Variants in VIRMA observed in about 807,000 individuals in gnomAD.
VIRMA encodes the protein vir like m6A methyltransferase associated, also known as protein virilizer homolog.
A neutral mutation model predicts 182.4 loss-of-function variants in VIRMA; 65 were observed. The ratio of observed to expected loss-of-function variants is 0.36; its 90% confidence interval spans 0.29 to 0.44. The LOEUF is 0.44. VIRMA is among the 20% of genes least tolerant of loss of function. VIRMA has a pLI of 1.00. For synonymous variants in VIRMA, 709 were observed against 743.1 expected (o/e 0.95, Z 0.75); for missense variants, 1,752 against 2,158.1 (o/e 0.81, Z 3.73).
chr8:94,491,200 A>G (rs1464577364), intron 22 of VIRMA, among the ~76,000 whole-genome samples: 1 of 151,242 alleles, frequency 6.6e-6, no homozygotes, highest in African/African-American at 2.4e-5. Flanking sequence ...TGTAGTCCCA[A>G]ATACTTGGGA....
chr8:94,531,001 G>A lies in VIRMA; in HGVS notation c.569C>T (p.Pro190Leu). ...RGPRTPPGPP[P>L]PDDDEDDPVP... ...AGGATCATCTTCATCATCATCAGGTGGAGGGGGTCCTGGAGGAGTTCTTGG... is the reference window on the plus strand; with the variant it reads ...AGGATCATCTTCATCATCATCAGGTAGAGGGGGTCCTGGAGGAGTTCTTGG... Residue 190 changes from proline (P) to leucine (L), a missense_variant, in exon 6 of 24, where the codon CCA (proline) becomes CTA (leucine). Pro to Leu is a moderately conservative substitution (Grantham distance 98, BLOSUM62 -3). This residue lies in a region of VIRMA where 114 missense variants were observed against 106.9 expected (regional missense o/e 1.07). Coordinates refer to ENST00000297591, the MANE Select transcript of VIRMA (RefSeq NM_015496.5). 1 of 1,604,056 alleles carries A rather than the reference G, an allele frequency of 6.2e-7. No homozygotes were observed. The highest frequency in any genetic ancestry group is 8.5e-7 in the Non-Finnish European group (1 of 1,175,442).
intron 20 of VIRMA, among the ~76,000 whole-genome samples, chr8:94,493,845 A>G (rs1813684347): frequency 6.6e-6 from 1 of 152,240 alleles, no homozygotes; most frequent in Admixed American, 6.5e-5. Context: ...TGTGGCTAAA[A>G]TAATTCGCCT....
intron 10 of VIRMA, among the ~76,000 whole-genome samples, chr8:94,517,014 T>C (rs1814582919): frequency 6.6e-6 from 1 of 152,160 alleles, no homozygotes; most frequent in South Asian, 2.1e-4. Flanking sequence ...CCACATAAGG[T>C]TTCCCATAAA....
Position 94,526,533 on chromosome 8 carries a change from C to G in VIRMA, c.1711G>C (p.Asp571His), listed in dbSNP as rs754699850. The change falls in exon 8 of 24, where the codon GAC (aspartate) becomes CAC (histidine). Residue 571 changes from aspartate to histidine, a missense_variant. This residue lies in a region of VIRMA where 401 missense variants were observed against 455.1 expected (regional missense o/e 0.88). Transcript: ENST00000297591. ...EVLSEIKRLG[D>H]HLAEKTSSLP... is the part of the protein sequence containing the mutation. ...GATGAAGTCTTCTCTGCTAAATGGTCACCAAGTCTTTTAATCTCTGACAAG... is the reference window on the plus strand; with the variant it reads ...GATGAAGTCTTCTCTGCTAAATGGTGACCAAGTCTTTTAATCTCTGACAAG... 1.9e-6 allele frequency: 3 copies of G among 1,612,690 alleles called. No individual in the cohort carries two copies. Among genetic ancestry groups the G allele is most frequent in the Non-Finnish European group, 2.5e-6 (3 of 1,179,678 alleles).
At chr8:94,517,360 G>A (rs898015478) in intron 10 of VIRMA, among the ~76,000 whole-genome samples, 2 of 152,142 alleles carry the variant, frequency 1.3e-5, no homozygotes, top group Non-Finnish European at 2.9e-5. Context: ...GTGCCAGCAC[G>A]CCCAGCTAAT....
At chr8:94,553,359 G>C (rs367577929) in intron 1 of VIRMA, 26 bp downstream of exon 1, 1 of 1,609,814 alleles carries the variant, frequency 6.2e-7, no homozygotes, top group Non-Finnish European at 8.5e-7. Context: ...AAGAAGCAGC[G>C]TCAGAATCAA....
intron 1 of VIRMA, among the ~76,000 whole-genome samples, chr8:94,547,901 G>A (rs1815830088): frequency 6.7e-6 from 1 of 148,776 alleles, no homozygotes; most frequent in Admixed American, 6.6e-5. Flanking sequence ...AAAACTAGAC[G>A]GGCATGGTGG....
At position 94,491,650 on chromosome 8, in the gene VIRMA, A is replaced by G; in HGVS notation, c.5068T>C (p.Phe1690Leu). 2 of 1,613,982 alleles carry G rather than the reference A, an allele frequency of 1.2e-6. No homozygotes were observed. Among genetic ancestry groups the G allele is most frequent in the Non-Finnish European group, 1.7e-6 (2 of 1,179,996 alleles). ...CCCCGTCCTCCTCTATTGCCTGAAA[A>G]CCCACCACGGGAAGAAATCTTCTGT... Reference protein sequence around the residue: ...VSQKISSRGGFSGNRGGRGAF... With the variant: ...VSQKISSRGGLSGNRGGRGAF... The change falls in exon 22 of 24, where the codon TTT becomes CTT. Residue 1690 changes from phenylalanine (F) to leucine (L), a missense_variant. Physicochemically the swap from Phe to Leu is conservative, Grantham distance 22. This residue lies in a region of VIRMA where 132 missense variants were observed against 173.8 expected (regional missense o/e 0.76). Coordinates refer to ENST00000297591, the MANE Select transcript of VIRMA (RefSeq NM_015496.5).
At chr8:94,522,373 C>T (rs148157652) in intron 8 of VIRMA, among the ~76,000 whole-genome samples, 57 of 152,268 alleles carry the variant, frequency 3.7e-4, no homozygotes, top group South Asian at 1.2e-3. Flanking sequence ...TCCCAACTTC[C>T]TCCCAGGTAC....
chr8:94,489,066 T>G (rs775797684), intron 23 of VIRMA, among the ~76,000 whole-genome samples: 2 of 152,192 alleles, frequency 1.3e-5, no homozygotes, highest in African/African-American at 2.4e-5. Context: ...ATATCCTAAA[T>G]AAAACTATTA....
chr8:94,491,982 A>T, intron 21 of VIRMA, 73 bp from the exon 22 acceptor site: 1 of 1,191,300 alleles, frequency 8.4e-7, no homozygotes, highest in Non-Finnish European at 1.2e-6. Flanking sequence ...TATAATACCC[A>T]AAATTATATT....
intron 14 of VIRMA, 63 bp downstream of exon 14, chr8:94,510,354 G>A (rs987847252): frequency 2.2e-5 from 30 of 1,348,846 alleles, no homozygotes; most frequent in Non-Finnish European, 3.1e-5. Flanking sequence ...CAAATTGTAA[G>A]GGAAAAAATA....
rs1813718759 is a variant in VIRMA at position 94,494,875 on chromosome 8, A to G, written c.4626T>C (p.Asp1542=). Residue 1542 remains aspartate (D), a synonymous_variant, in exon 20 of 24, where the codon GAT becomes GAC. Transcript: ENST00000297591. ...TAATTTATACCAAATCCAGATCTGTATCTATCTCTTCAGCCTGAAATGGAG... is the reference window on the plus strand; with the variant it reads ...TAATTTATACCAAATCCAGATCTGTGTCTATCTCTTCAGCCTGAAATGGAG... ...WFTPFQAEEI[D]TDLDLVKVDL... is the part of the protein sequence containing the mutation. 10 of 1,583,144 alleles carry G rather than the reference A, an allele frequency of 6.3e-6. No individual in the cohort carries two copies. In the Admixed American group the frequency reaches 1.5e-4, roughly 24 times the overall value.
rs145703554 is a variant in VIRMA, at chr8:94,515,260, C to A, written c.2669-309G>T. 3.4e-3 allele frequency among the ~76,000 whole-genome samples: 510 copies of A among 152,128 alleles called. 1 individual carries two copies. Among genetic ancestry groups the A allele is most frequent in the African/African-American group, 0.012 (493 of 41,506 alleles). The stretch of plus-strand genomic sequence containing the variant: ...TACAGGCGCCTGCCACCACACCTGG[C>A]CGATTTTTGTATTTTTAGCAGAGAC... On this transcript the variant is annotated intron_variant, in intron 10 of 23. Transcript: ENST00000297591.
intron 4 of VIRMA, among the ~76,000 whole-genome samples, chr8:94,536,762 G>A (rs901781409): frequency 4.6e-5 from 7 of 152,148 alleles, no homozygotes; most frequent in African/African-American, 1.7e-4. Context: ...GTTGGATCAC[G>A]AGGTCAGGAG....
intron 15 of VIRMA, among the ~76,000 whole-genome samples, chr8:94,509,459 C>A (rs1814280111): frequency 6.6e-6 from 1 of 151,110 alleles, no homozygotes; most frequent in East Asian, 1.9e-4. Context: ...ATGAATTAGA[C>A]CCTAAAAAAT....
intron 5 of VIRMA, chr8:94,533,578 C>T (rs1178215650): frequency 6.6e-6 from 1 of 150,942 alleles, no homozygotes; most frequent in African/African-American, 2.4e-5. Flanking sequence ...AGTAGCTGGA[C>T]CACAGGCACA....
chr8:94,519,222 A>C lies in VIRMA; in HGVS notation c.2276T>G (p.Leu759Trp). ...TGTCTGTGTTGAGTCCTGTAGCCAC[A>C]AGGCAAATGCATCATCAATAACACC... The part of the protein sequence containing the change: ...SDGVIDDAFA[L>W]WLQDSTQTLQ... The change falls in exon 9 of 24, where the codon TTG becomes TGG. Residue 759 changes from leucine (L) to tryptophan (W), a missense_variant. Coordinates refer to ENST00000297591, the MANE Select transcript of VIRMA (RefSeq NM_015496.5). 6.2e-7 allele frequency: 1 copy of C among 1,614,202 alleles called. No individual in the cohort carries two copies. Among genetic ancestry groups the C allele is most frequent in the Non-Finnish European group, 8.5e-7 (1 of 1,180,022 alleles).
chr8:94,540,628 AT>A (rs1004901455), intron 2 of VIRMA, among the ~76,000 whole-genome samples: 5 of 151,664 alleles, frequency 3.3e-5, no homozygotes, highest in African/African-American at 1.2e-4. Context: ...GGCCCAGCTG[AT>A]TTTTGTATTT....
Sources: gnomAD v4.1 joint callset for allele counts (sites outside exome capture counted in the v4.1 genomes callset) on GRCh38, gnomAD v4.1.1 for gene constraint, gnomAD v4.1.1 regional missense constraint, MANE v1.5 for transcripts, NCBI Gene and HGNC (gene_info 2026-07-23, HGNC 2026-07-21) for gene names.